Variants in PLCL1 observed in about 807,000 individuals in gnomAD.
PLCL1 encodes inactive phospholipase C-like protein 1.
PLCL1 carries 41 observed loss-of-function variants against 84.4 expected under a neutral mutation model. That is an observed-to-expected ratio of 0.49 (90% CI 0.38 to 0.63). PLCL1 has a LOEUF of 0.63. PLCL1 is among the 30% of genes least tolerant of loss of function. PLCL1 has a pLI of 0.00. For missense variants in PLCL1, 1,206 were observed against 1,367.8 expected (o/e 0.88, Z 1.87); for synonymous variants, 490 against 488.3 (o/e 1.00, Z -0.05).
At chr2:197,953,237 G>C (rs1034934660) in intron 1 of PLCL1, among the ~76,000 whole-genome samples, 2 of 152,054 alleles carry the variant, frequency 1.3e-5, no homozygotes, top group African/African-American at 4.8e-5. Context: ...AATTTCCAAA[G>C]TTTGGTTTTC....
At chr2:198,062,284 C>T (rs1692222821) in intron 1 of PLCL1, among the ~76,000 whole-genome samples, 1 of 152,074 alleles carries the variant, frequency 6.6e-6, no homozygotes, top group Non-Finnish European at 1.5e-5. Flanking sequence ...TCTAGGGGAG[C>T]TCCAAATTTA....
At chr2:198,115,501 T>G (rs539451015) in intron 5 of PLCL1, among the ~76,000 whole-genome samples, 8 of 151,968 alleles carry the variant, frequency 5.3e-5, no homozygotes, top group African/African-American at 1.9e-4. Context: ...CCATCCCTGA[T>G]TTCCTGGAAC....
At chr2:197,897,364 T>C (rs1688173659) in intron 1 of PLCL1, among the ~76,000 whole-genome samples, 1 of 152,136 alleles carries the variant, frequency 6.6e-6, no homozygotes, top group African/African-American at 2.4e-5. Context: ...TGCATTATTG[T>C]AGAAGACAAT....
At chr2:197,962,941 G>T (rs1372318529) in intron 1 of PLCL1, among the ~76,000 whole-genome samples, 1 of 151,976 alleles carries the variant, frequency 6.6e-6, no homozygotes, top group Non-Finnish European at 1.5e-5. Context: ...ACTTGATTGT[G>T]TATATGCACC....
chr2:197,927,579 G>A (rs1688854264), intron 1 of PLCL1, among the ~76,000 whole-genome samples: 1 of 152,198 alleles, frequency 6.6e-6, no homozygotes, highest in Admixed American at 6.6e-5. Flanking sequence ...AAGGCAAACA[G>A]CCAAGTATTA....
At chr2:197,986,081 C>T (rs996511734) in intron 1 of PLCL1, among the ~76,000 whole-genome samples, 5 of 152,204 alleles carry the variant, frequency 3.3e-5, no homozygotes, top group African/African-American at 7.2e-5. Flanking sequence ...TCCTATATGA[C>T]ATCCTTTATC....
chr2:198,143,627 G>A (rs549883054), intron 5 of PLCL1, among the ~76,000 whole-genome samples: 4 of 152,064 alleles, frequency 2.6e-5, no homozygotes, highest in Non-Finnish European at 5.9e-5. Flanking sequence ...AGCATGCCAA[G>A]GGAAAATGCC....
intron 3 of PLCL1, among the ~76,000 whole-genome samples, chr2:198,094,630 A>G (rs1352022291): frequency 6.6e-6 from 1 of 152,172 alleles, no homozygotes; most frequent in African/African-American, 2.4e-5. Context: ...ATGCAGCAAC[A>G]TCCCTGTGAG....
chr2:197,983,163 C>CT (rs1476303842), intron 1 of PLCL1, among the ~76,000 whole-genome samples: 1 of 109,060 alleles, frequency 9.2e-6, no homozygotes, highest in Non-Finnish European at 2.0e-5. Flanking sequence ...CTTTTCCTTT[C>CT]TTTCTTTCTT....
chr2:197,979,874 C>T (rs1275421602), intron 1 of PLCL1, among the ~76,000 whole-genome samples: 1 of 152,218 alleles, frequency 6.6e-6, no homozygotes, highest in African/African-American at 2.4e-5. Flanking sequence ...CCTCAGAGAG[C>T]AGCCCCCTTT....
intron 1 of PLCL1, among the ~76,000 whole-genome samples, chr2:197,856,786 T>C (rs1343288149): frequency 2.6e-5 from 4 of 152,208 alleles, no homozygotes; most frequent in Non-Finnish European, 5.9e-5. Flanking sequence ...AAATGAGCCA[T>C]TATTTTGCCA....
intron 5 of PLCL1, among the ~76,000 whole-genome samples, chr2:198,107,445 A>G (rs1693503310): frequency 6.6e-6 from 1 of 151,888 alleles, no homozygotes; most frequent in Non-Finnish European, 1.5e-5. Context: ...TAGCCAAGTT[A>G]TATAATCTCC....
At chr2:197,868,172 T>A (rs1005409661) in intron 1 of PLCL1, among the ~76,000 whole-genome samples, 1 of 152,206 alleles carries the variant, frequency 6.6e-6, no homozygotes, top group African/African-American at 2.4e-5. Flanking sequence ...AACTGCAAAC[T>A]CTGCATATGC....
intron 1 of PLCL1, among the ~76,000 whole-genome samples, chr2:198,039,486 T>C (rs578210628): frequency 2.0e-5 from 3 of 152,280 alleles, no homozygotes; most frequent in African/African-American, 7.2e-5. Flanking sequence ...TATTTTCCTG[T>C]CTCTTGGTAT....
chr2:197,946,604 A>C (rs958793615), intron 1 of PLCL1, among the ~76,000 whole-genome samples: 2 of 152,176 alleles, frequency 1.3e-5, no homozygotes, highest in African/African-American at 4.8e-5. Context: ...TCTGGAATCA[A>C]GGGAGAATAT....
chr2:198,138,844 T>G (rs369339978), intron 5 of PLCL1, among the ~76,000 whole-genome samples: 200 of 152,228 alleles, frequency 1.3e-3, no homozygotes, highest in African/African-American at 3.6e-3. Context: ...AACAATGACC[T>G]TTGGAGTACT....
At chr2:197,922,776 G>T (rs1396997831) in intron 1 of PLCL1, among the ~76,000 whole-genome samples, 2 of 118,422 alleles carry the variant, frequency 1.7e-5, no homozygotes, top group Non-Finnish European at 3.7e-5. Flanking sequence ...CGGGCAGGGG[G>T]CTGACCCCCC....
At chr2:197,830,259 A>C (rs1691028819) in intron 1 of PLCL1, among the ~76,000 whole-genome samples, 1 of 152,036 alleles carries the variant, frequency 6.6e-6, no homozygotes, top group Non-Finnish European at 1.5e-5. Context: ...AATGGAAGGA[A>C]GCTAGGAACC....
intron 1 of PLCL1, among the ~76,000 whole-genome samples, chr2:198,028,395 G>GTAAATCCGTA (rs1185024629): frequency 2.6e-5 from 4 of 152,092 alleles, no homozygotes. Context: ...TGCTACGGAT[G>GTAAATCCGTA]TGGGCTTATG....
Sources: gnomAD v4.1 joint callset for allele counts (sites outside exome capture counted in the v4.1 genomes callset) on GRCh38, gnomAD v4.1.1 for gene constraint, MANE v1.5 for transcripts, NCBI Gene and HGNC (gene_info 2026-07-23, HGNC 2026-07-21) for gene names.